Variants in DEFB118 observed in about 807,000 individuals in gnomAD.
DEFB118 encodes the protein defensin, beta 18.
A neutral mutation model predicts 2.8 loss-of-function variants in DEFB118; 3 were observed. The ratio of observed to expected loss-of-function variants is 1.09; its 90% CI spans 0.50 to 2.82. The LOEUF (loss-of-function observed/expected upper bound fraction) is 2.82, where lower values mean the gene tolerates loss of function less well. Among genes scored for constraint, DEFB118 ranks in the 30% most tolerant of loss-of-function variants. The pLI is 0.04. For missense variants in DEFB118, 159 were observed against 144.6 expected (o/e 1.10, Z -0.51); for synonymous variants, 63 against 53.5 (o/e 1.18, Z -0.78).
rs754007085 is a variant in DEFB118 at position 31,372,997 on chromosome 20, G to A, written c.199G>A (p.Ala67Thr). The A allele has an allele frequency of 3.7e-6, 6 of 1,614,184 alleles. No homozygotes were observed. The South Asian group carries it at 6.6e-5, about 18-fold the overall frequency. Residue 67 changes from alanine (A) to threonine (T), a missense_variant, in exon 2 of 2, where the codon GCG becomes ACG. Ala to Thr is a moderately conservative substitution (Grantham distance 58, BLOSUM62 0). Transcript: ENST00000253381. Reference sequence around the variant, plus strand: ...CAATGAAGACCACAGGCGAGTTCCTGCGACATCTCCCACACCCTTGAGTGA... The same window carrying A: ...CAATGAAGACCACAGGCGAGTTCCTACGACATCTCCCACACCCTTGAGTGA... The part of the protein sequence containing the change: ...PSNEDHRRVP[A>T]TSPTPLSDST...
chr20:31,369,481 C>T (rs1986175959), intron 1 of DEFB118, among the ~76,000 whole-genome samples: 1 of 150,124 alleles, frequency 6.7e-6, no homozygotes, highest in Non-Finnish European at 1.5e-5. Flanking sequence ...CCTCTGCCTC[C>T]TGGGTTCAAG....
At chr20:31,369,886 T>C (rs1435182107) in intron 1 of DEFB118, among the ~76,000 whole-genome samples, 1 of 152,220 alleles carries the variant, frequency 6.6e-6, no homozygotes, top group African/African-American at 2.4e-5. Context: ...CATTAATATA[T>C]TTACATATAT....
Position 31,372,380 on chromosome 20 carries a change from T to C in DEFB118, c.59-477T>C, listed in dbSNP as rs117708309. ...TCCTGACCAACATGATGAAACCCCA[T>C]CTGACTAAAAATACAAAAATTAGCT... On this transcript the variant is annotated intron_variant, in intron 1 of 1. Transcript: ENST00000253381. Among the ~76,000 whole-genome samples, 37 of 152,220 alleles carry C rather than the reference T, an allele frequency of 2.4e-4. No homozygotes were observed. The East Asian group carries it at 7.0e-3, about 29-fold the overall frequency.
chr20:31,372,779 T>C (rs549127664), intron 1 of DEFB118, 78 bp from the exon 2 acceptor site: 22 of 1,111,038 alleles, frequency 2.0e-5, no homozygotes, highest in Non-Finnish European at 2.2e-5. Context: ...GGATATAGGA[T>C]GCGAGATATA....
At chr20:31,371,530 G>T (rs2122271296) in intron 1 of DEFB118, among the ~76,000 whole-genome samples, 1 of 151,840 alleles carries the variant, frequency 6.6e-6, no homozygotes, top group South Asian at 2.1e-4. Flanking sequence ...AAGTGCAGTG[G>T]CACGATCTCA....
At chr20:31,371,362 C>T (rs565265705) in intron 1 of DEFB118, among the ~76,000 whole-genome samples, 1 of 152,278 alleles carries the variant, frequency 6.6e-6, no homozygotes, top group African/African-American at 2.4e-5. Context: ...TTCCCTGCTT[C>T]GTTTCTCTCC....
chr20:31,368,795 C>G, intron 1 of DEFB118, 87 bp downstream of exon 1: 1 of 1,286,078 alleles, frequency 7.8e-7, no homozygotes, highest in Non-Finnish European at 1.1e-6. Flanking sequence ...TACTCCCCAA[C>G]ATGGGCAGCT....
chr20:31,368,785 T>C, intron 1 of DEFB118, 77 bp downstream of exon 1: 2 of 1,396,402 alleles, frequency 1.4e-6, no homozygotes, highest in South Asian at 2.3e-5. Context: ...TGTGTCACGG[T>C]ACTCCCCAAC....
chr20:31,370,460 G>C (rs1986194461), intron 1 of DEFB118, among the ~76,000 whole-genome samples: 1 of 152,142 alleles, frequency 6.6e-6, no homozygotes, highest in South Asian at 2.1e-4. Context: ...GGGAAGTGAA[G>C]GAAATATTAC....
chr20:31,372,274 G>A (rs967676926), intron 1 of DEFB118, among the ~76,000 whole-genome samples: 1 of 152,110 alleles, frequency 6.6e-6, no homozygotes, highest in Non-Finnish European at 1.5e-5. Flanking sequence ...CTTTCTGGCC[G>A]GGTGCTGTGG....
At chr20:31,370,008 T>C (rs1255895838) in intron 1 of DEFB118, among the ~76,000 whole-genome samples, 14 of 152,152 alleles carry the variant, frequency 9.2e-5, no homozygotes, top group Non-Finnish European at 4.4e-5. Context: ...CATTAATTCC[T>C]CTATTCCTCT....
At chr20:31,371,237 G>A (rs1441717998) in intron 1 of DEFB118, among the ~76,000 whole-genome samples, 1 of 151,998 alleles carries the variant, frequency 6.6e-6, no homozygotes, top group Non-Finnish European at 1.5e-5. Flanking sequence ...TGCTTCCTCT[G>A]CCTGATATAT....
rs937386994 is a variant in DEFB118, at chr20:31,369,480, C to T, written c.58+772C>T. Among the ~76,000 whole-genome samples the T allele has an allele frequency of 9.4e-5, 14 of 149,420 alleles. No individual in the cohort carries two copies. In the Admixed American group the frequency reaches 9.5e-4, roughly 10 times the overall value. Reference sequence around the variant, plus strand: ...TCTCAGCTCACTGCAACCTCTGCCTCCTGGGTTCAAGCAATTCTCCTGCCT... The same window carrying T: ...TCTCAGCTCACTGCAACCTCTGCCTTCTGGGTTCAAGCAATTCTCCTGCCT... On this transcript the variant is annotated intron_variant, in intron 1 of 1. Transcript: ENST00000253381.
At chr20:31,369,960 T>G (rs1050116475) in intron 1 of DEFB118, among the ~76,000 whole-genome samples, 5 of 151,940 alleles carry the variant, frequency 3.3e-5, no homozygotes, top group Admixed American at 6.6e-5. Context: ...GTAAGTCTGG[T>G]GGGGGTGGGC....
chr20:31,368,947 G>A (rs1334888421), intron 1 of DEFB118, among the ~76,000 whole-genome samples: 2 of 152,186 alleles, frequency 1.3e-5, no homozygotes, highest in African/African-American at 2.4e-5. Flanking sequence ...AAGAAACTAG[G>A]GGAAAGCTCG....
intron 1 of DEFB118, 96 bp downstream of exon 1, chr20:31,368,804 C>A: frequency 1.7e-6 from 2 of 1,184,028 alleles, no homozygotes; most frequent in Non-Finnish European, 1.2e-6. Flanking sequence ...ACATGGGCAG[C>A]TCCACAGTTC....
At chr20:31,371,504 T>C (rs371214104) in intron 1 of DEFB118, among the ~76,000 whole-genome samples, 4 of 152,202 alleles carry the variant, frequency 2.6e-5, no homozygotes, top group South Asian at 2.1e-4. Context: ...ACAGTCTCGC[T>C]CTGTTGCCCA....
At chr20:31,372,614 G>A (rs1335684998) in intron 1 of DEFB118, among the ~76,000 whole-genome samples, 1 of 152,104 alleles carries the variant, frequency 6.6e-6, no homozygotes, top group African/African-American at 2.4e-5. Flanking sequence ...TTCATTATAA[G>A]TGGCCCCAAT....
chr20:31,372,859 T>G lies in DEFB118; in HGVS notation c.61T>G (p.Tyr21Asp), dbSNP rs1260678765. Residue 21 changes from tyrosine to aspartate, a missense_variant and splice_region_variant, in exon 2 of 2, where the codon TAT becomes GAT. Coordinates refer to ENST00000253381, the MANE Select transcript of DEFB118 (RefSeq NM_054112.3). ...LVLLPQVIPAYSGEKKCWNRS... is the reference protein window; with the variant it reads ...LVLLPQVIPADSGEKKCWNRS... ...TGGTCTTTCCTTTTATTATTCAGCC[T>G]ATAGTGGTGAAAAAAAATGCTGGAA... 1 of 1,613,196 alleles carries G rather than the reference T, an allele frequency of 6.2e-7. No individual in the cohort carries two copies. The highest frequency in any genetic ancestry group is 2.2e-5 in the East Asian group (1 of 44,864).
Sources: allele counts gnomAD v4.1 joint callset (sites outside exome capture counted in the v4.1 genomes callset), GRCh38; gene constraint gnomAD v4.1.1; transcripts MANE v1.5; gene names NCBI Gene and HGNC (gene_info 2026-07-23, HGNC 2026-07-21).